ZSCAN5C: variants seen among roughly 807,000 people sequenced by gnomAD.
ZSCAN5C encodes zinc finger and SCAN domain containing 5C.
ZSCAN5C carries 11 observed loss-of-function variants against 17.3 expected under a neutral mutation model. The observed-to-expected ratio is 0.64, with a 90% CI of 0.40 to 1.06. ZSCAN5C has a LOEUF of 1.06. Among genes scored for constraint, ZSCAN5C ranks in the 50% least tolerant of loss-of-function variants. ZSCAN5C has a pLI of 0.00. For synonymous variants in ZSCAN5C, 229 were observed against 208.4 expected (o/e 1.10, Z -0.85); for missense variants, 698 against 538.9 (o/e 1.30, Z -2.92).
chr19:56,208,449 C>G (rs1245529753), exon 5 of ZSCAN5C: 1 of 1,314,230 alleles, frequency 7.6e-7, no homozygotes, highest in Non-Finnish European at 1.1e-6. Context: ...CTTCTTCCAG[C>G]AGGGGTGGTG....
At chr19:56,206,034 G>A (rs1311773379) in exon 2 of ZSCAN5C, 2 of 1,613,438 alleles carry the variant, frequency 1.2e-6, no homozygotes, top group Admixed American at 3.3e-5. Flanking sequence ...CAGTGATCCT[G>A]AGACTTGTCA....
chr19:56,208,412 A>G (rs746685233), intron 4 of ZSCAN5C, 37 bp from the exon 5 acceptor site: 2 of 1,213,828 alleles, frequency 1.6e-6, no homozygotes, highest in Non-Finnish European at 2.4e-6. Context: ...TTGAAAATGC[A>G]CCTTATTAAC....
At chr19:56,208,672 C>T (rs758974940) in exon 5 of ZSCAN5C, 11 of 1,612,584 alleles carry the variant, frequency 6.8e-6, no homozygotes, top group Admixed American at 1.7e-5. Context: ...CTGTGGGCAA[C>T]AGAGAATCCC....
exon 5 of ZSCAN5C, chr19:56,209,023 G>C (rs2032959752): frequency 6.2e-7 from 1 of 1,612,770 alleles, no homozygotes; most frequent in African/African-American, 1.3e-5. Flanking sequence ...CAGGGGAGAA[G>C]CCCTTCGAAT....
At chr19:56,208,924 C>T (rs747454112) in exon 5 of ZSCAN5C, 1 of 1,613,100 alleles carries the variant, frequency 6.2e-7, no homozygotes, top group South Asian at 1.1e-5. Flanking sequence ...ACCAGCGAAC[C>T]CACACTGGCG....
chr19:56,203,580 A>C (rs2146337048), intron 1 of ZSCAN5C, among the ~76,000 whole-genome samples: 1 of 148,660 alleles, frequency 6.7e-6, no homozygotes, highest in East Asian at 2.0e-4. Context: ...TATCTCCCCA[A>C]CCCTCACCAT....
In ZSCAN5C at chr19:56,208,422, C is replaced by T. The variant is rs746310539; in HGVS notation, c.740-27C>T. 7 of 1,253,416 alleles carry T rather than the reference C, an allele frequency of 5.6e-6. No individual in the cohort carries two copies. In the South Asian group the frequency reaches 7.5e-5, roughly 13 times the overall value. The allele number at this position is 1,253,416 out of a possible 1,614,324, so 77.6% of individuals were successfully genotyped here. A position where few individuals can be genotyped will look rare whatever the true frequency, so the allele number is the denominator to read the frequency against. The stretch of plus-strand genomic sequence containing the variant: ...GTGTATTGAAAATGCACCTTATTAA[C>T]TGTGTGTGTGGAATCCCTTCTTCCA... On this transcript the variant is annotated intron_variant, in intron 4 of 4. Transcript: ENST00000534327.
chr19:56,208,896 G>A (rs767277406), exon 5 of ZSCAN5C: 46 of 1,598,200 alleles, frequency 2.9e-5, no homozygotes, highest in Non-Finnish European at 3.9e-5. Context: ...TTCATGCAGC[G>A]CATAGGCCTG....
chr19:56,202,782 C>T (rs760287689), intron 1 of ZSCAN5C, among the ~76,000 whole-genome samples: 12 of 151,946 alleles, frequency 7.9e-5, no homozygotes, highest in Non-Finnish European at 1.5e-4. Flanking sequence ...TCCTGAACTC[C>T]TGGGATCAAG....
At chr19:56,206,982 T>C (rs578183559) in intron 2 of ZSCAN5C, 77 bp from the exon 3 acceptor site, 5 of 652,986 alleles carry the variant, frequency 7.7e-6, no homozygotes, top group African/African-American at 7.2e-5. Flanking sequence ...GTGTGAGCAT[T>C]ATGGCAGGAC....
chr19:56,208,888 C>T (rs1209649633), exon 5 of ZSCAN5C: 3 of 1,595,932 alleles, frequency 1.9e-6, no homozygotes, highest in Non-Finnish European at 2.6e-6. Flanking sequence ...GGAAGCGCTT[C>T]ATGCAGCGCA....
intron 1 of ZSCAN5C, 102 bp downstream of exon 1, chr19:56,202,424 T>C (rs1312458440): frequency 6.6e-6 from 1 of 151,808 alleles, no homozygotes; most frequent in Non-Finnish European, 1.5e-5. Context: ...AAGATTTGGG[T>C]TGGGGTGTTG....
At chr19:56,207,228 C>A in exon 3 of ZSCAN5C, 2 of 779,158 alleles carry the variant, frequency 2.6e-6, no homozygotes, top group South Asian at 1.4e-5. Context: ...GAGCTGCAGA[C>A]CCTGCCCAGG....
intron 3 of ZSCAN5C, among the ~76,000 whole-genome samples, 176 bp from the exon 4 acceptor site, chr19:56,207,858 C>A (rs73617596): frequency 0.061 from 9,295 of 151,818 alleles, 857 homozygotes; most frequent in African/African-American, 0.18. Context: ...CTCCTTCCAG[C>A]GTCAGGGGCA....
At chr19:56,206,829 A>G (rs2146339582) in intron 2 of ZSCAN5C, among the ~76,000 whole-genome samples, 1 of 132,530 alleles carries the variant, frequency 7.5e-6, no homozygotes, top group Admixed American at 7.3e-5. Context: ...ATTCACCCAG[A>G]ATATTTCTCC....
chr19:56,208,820 T>C (rs774782995), exon 5 of ZSCAN5C: 8 of 1,562,418 alleles, frequency 5.1e-6, no homozygotes, highest in South Asian at 1.1e-5. Flanking sequence ...TCGCGGCAAG[T>C]TAGCCGTCCA....
chr19:56,208,825 C>T (rs1426292764), exon 5 of ZSCAN5C: 6 of 1,557,710 alleles, frequency 3.9e-6, no homozygotes, highest in South Asian at 3.3e-5. Context: ...GCAAGTTAGC[C>T]GTCCACACGA....
chr19:56,203,967 A>C (rs1263976281), intron 1 of ZSCAN5C, among the ~76,000 whole-genome samples: 1 of 151,760 alleles, frequency 6.6e-6, no homozygotes, highest in African/African-American at 2.4e-5. Context: ...CTAGGTTTTT[A>C]ATTATTGTTT....
At chr19:56,205,128 G>T (rs2032907468) in intron 1 of ZSCAN5C, among the ~76,000 whole-genome samples, 1 of 151,826 alleles carries the variant, frequency 6.6e-6, no homozygotes, top group Non-Finnish European at 1.5e-5. Context: ...TTAGGGTGAT[G>T]AGATAATTCT....
Sources: gnomAD v4.1 joint callset for allele counts (sites outside exome capture counted in the v4.1 genomes callset) on GRCh38, gnomAD v4.1.1 for gene constraint, MANE v1.5 for transcripts, NCBI Gene and HGNC (gene_info 2026-07-23, HGNC 2026-07-21) for gene names.